KCNH5: variants seen among roughly 807,000 people sequenced by gnomAD.
KCNH5 encodes potassium voltage-gated channel subfamily H member 5.
KCNH5 carries 46 observed loss-of-function variants against 96.1 expected under a neutral mutation model. The ratio of observed to expected loss-of-function variants is 0.48; its 90% confidence interval spans 0.38 to 0.61. The LOEUF is 0.61. KCNH5 is among the 20% of genes least tolerant of loss of function. The pLI is 0.00. For synonymous variants in KCNH5, 439 were observed against 449.8 expected (o/e 0.98, Z 0.30); for missense variants, 907 against 1,225.8 (o/e 0.74, Z 3.88).
chr14:63,003,624 A>ATATATATATAT (rs1491457497), intron 3 of KCNH5, among the ~76,000 whole-genome samples: 2 of 92,812 alleles, frequency 2.2e-5, no homozygotes, highest in East Asian at 8.4e-4. Flanking sequence ...ATATATATAT[A>ATATATATATAT]TTTTTTTTTT....
chr14:62,964,800 T>C (rs1566724258), intron 6 of KCNH5, among the ~76,000 whole-genome samples: 1 of 152,110 alleles, frequency 6.6e-6, no homozygotes, highest in Non-Finnish European at 1.5e-5. Flanking sequence ...GGAGGGTAGA[T>C]GTCAAACTTT....
intron 8 of KCNH5, among the ~76,000 whole-genome samples, chr14:62,827,136 G>T (rs1449345574): frequency 3.3e-5 from 5 of 152,048 alleles, no homozygotes; most frequent in African/African-American, 4.8e-5. Context: ...TTGTATAAAA[G>T]GAACAAAAAT....
intron 10 of KCNH5, among the ~76,000 whole-genome samples, chr14:62,752,505 C>T (rs535015022): frequency 6.6e-6 from 1 of 151,992 alleles, no homozygotes; most frequent in South Asian, 2.1e-4. Context: ...AGTTCTGGGC[C>T]TAGCAGCATT....
At chr14:63,001,480 GGA>G in intron 3 of KCNH5, 21 bp from the exon 4 acceptor site, 1 of 1,603,310 alleles carries the variant, frequency 6.2e-7, no homozygotes. Flanking sequence ...AAGAAGTTGG[GGA>G]AAGGACATTA....
chr14:62,853,804 C>A (rs1887873039), intron 7 of KCNH5, among the ~76,000 whole-genome samples: 1 of 151,642 alleles, frequency 6.6e-6, no homozygotes, highest in African/African-American at 2.4e-5. Flanking sequence ...GTCAGGAGTT[C>A]AATACCAGCC....
chr14:62,849,661 T>TATCA lies in KCNH5; in HGVS notation c.1557_1560dup (p.Thr521Ter). The TATCA allele has an allele frequency of 6.2e-7, 1 of 1,613,286 alleles. No homozygotes were observed. The highest frequency in any genetic ancestry group is 8.5e-7 in the Non-Finnish European group (1 of 1,179,374). ...ACAATAATAACCCATACCTTTTCTGTATCAATGCCTTTTGACATGGACCAT... is the reference window on the plus strand; with the variant it reads ...ACAATAATAACCCATACCTTTTCTGTATCAATCAATGCCTTTTGACATGGACCAT... On this transcript the variant is annotated stop_gained and frameshift_variant, in exon 8 of 11. Transcript: ENST00000322893. LOFTEE classifies it high-confidence loss of function.
At chr14:62,960,452 C>T (rs1007627724) in intron 6 of KCNH5, among the ~76,000 whole-genome samples, 1 of 152,052 alleles carries the variant, frequency 6.6e-6, no homozygotes, top group Non-Finnish European at 1.5e-5. Flanking sequence ...ATATATAAAT[C>T]TCTCATAATA....
At chr14:62,746,971 G>T (rs1885390020) in intron 10 of KCNH5, among the ~76,000 whole-genome samples, 1 of 152,210 alleles carries the variant, frequency 6.6e-6, no homozygotes, top group Admixed American at 6.5e-5. Flanking sequence ...AAAATTTTAT[G>T]AAATCAAAAT....
chr14:62,772,498 G>A (rs555687549), intron 10 of KCNH5, among the ~76,000 whole-genome samples: 78 of 152,008 alleles, frequency 5.1e-4, no homozygotes, highest in African/African-American at 1.6e-3. Context: ...TTAGCCAGGC[G>A]TGGTGTCGTG....
intron 1 of KCNH5, among the ~76,000 whole-genome samples, chr14:63,024,307 T>C (rs1391395447): frequency 2.0e-5 from 3 of 151,632 alleles, no homozygotes; most frequent in Non-Finnish European, 4.4e-5. Flanking sequence ...GAGGGAAGTT[T>C]ATAGCAACAA....
At chr14:62,885,979 T>C (rs1017984171) in intron 7 of KCNH5, among the ~76,000 whole-genome samples, 2 of 152,208 alleles carry the variant, frequency 1.3e-5, no homozygotes, top group African/African-American at 2.4e-5. Context: ...CCAAATCCCA[T>C]AGCACTTCCC....
At chr14:62,926,604 C>G (rs1364277086) in intron 7 of KCNH5, among the ~76,000 whole-genome samples, 1 of 152,076 alleles carries the variant, frequency 6.6e-6, no homozygotes, top group Non-Finnish European at 1.5e-5. Flanking sequence ...CCAGCATGGT[C>G]AGGCTCTGGT....
intron 9 of KCNH5, among the ~76,000 whole-genome samples, chr14:62,800,497 C>A (rs1220468711): frequency 6.6e-6 from 1 of 152,048 alleles, no homozygotes; most frequent in Non-Finnish European, 1.5e-5. Flanking sequence ...AAAGGAGTTA[C>A]CCAAATGAAG....
At chr14:62,931,109 T>C (rs571225378) in intron 7 of KCNH5, among the ~76,000 whole-genome samples, 92 of 151,786 alleles carry the variant, frequency 6.1e-4, no homozygotes, top group African/African-American at 2.2e-3. Context: ...CGAGCAGAGG[T>C]TGTATATAAC....
intron 10 of KCNH5, among the ~76,000 whole-genome samples, chr14:62,727,722 T>C (rs1284127437): frequency 6.1e-5 from 9 of 147,698 alleles, no homozygotes; most frequent in African/African-American, 2.3e-4. Context: ...TGCAGGGCTG[T>C]GGGTGCTGAG....
intron 7 of KCNH5, among the ~76,000 whole-genome samples, chr14:62,906,308 C>T (rs185798346): frequency 6.6e-6 from 1 of 152,108 alleles, no homozygotes; most frequent in Non-Finnish European, 1.5e-5. Flanking sequence ...CACAGACAGA[C>T]ACGCACATAC....
intron 1 of KCNH5, among the ~76,000 whole-genome samples, chr14:63,023,272 A>C (rs1425493294): frequency 6.6e-6 from 1 of 152,092 alleles, no homozygotes; most frequent in East Asian, 1.9e-4. Context: ...GATAGAGCCC[A>C]TGTAAGTTTT....
intron 7 of KCNH5, among the ~76,000 whole-genome samples, chr14:62,938,328 A>T (rs1889724482): frequency 6.6e-6 from 1 of 152,162 alleles, no homozygotes; most frequent in Non-Finnish European, 1.5e-5. Context: ...CTCAGCCTAA[A>T]GCTACCACCA....
At position 62,980,956 on chromosome 14, in the gene KCNH5, C is replaced by G; in HGVS notation, c.858G>C (p.Met286Ile). Residue 286 changes from methionine to isoleucine, a missense_variant, in exon 6 of 11, where the codon ATG (methionine) becomes ATC (isoleucine). Physicochemically the swap from Met to Ile is conservative, Grantham distance 10. Coordinates refer to ENST00000322893, the MANE Select transcript of KCNH5 (RefSeq NM_139318.5). ...TCACAAACCAAGTTTTCAGATAGTT[C>G]ATCCTTATGAGCTTAGGGTCAGAAA... is the stretch of plus-strand genomic sequence containing the variant. ...EVISDPKLIR[M>I]NYLKTWFVID... The G allele has an allele frequency of 1.2e-6, 2 of 1,614,048 alleles. No homozygotes were observed. The highest frequency in any genetic ancestry group is 1.7e-6 in the Non-Finnish European group (2 of 1,180,006).
Sources: allele counts gnomAD v4.1 joint callset (sites outside exome capture counted in the v4.1 genomes callset), GRCh38; gene constraint gnomAD v4.1.1; transcripts MANE v1.5; gene names NCBI Gene and HGNC (gene_info 2026-07-23, HGNC 2026-07-21).